Variants in NCOA6 observed in about 807,000 individuals in gnomAD.
NCOA6 encodes nuclear receptor coactivator 6, also known as NRC RAP250.
In NCOA6, 49 loss-of-function variants were observed where a neutral mutation model predicts 171.4. That is an observed-to-expected ratio of 0.29 (90% CI 0.23 to 0.36). The LOEUF (loss-of-function observed/expected upper bound fraction) is 0.36. Among genes scored for constraint, NCOA6 ranks in the 10% least tolerant of loss-of-function variants. The probability of loss-of-function intolerance (pLI) is 1.00; values close to 1 mark genes in which losing one functional copy is unlikely to be tolerated. For missense variants in NCOA6, 2,248 were observed against 2,554.5 expected (o/e 0.88, Z 2.59); for synonymous variants, 910 against 927.5 (o/e 0.98, Z 0.34).
intron 1 of NCOA6, chr20:34,819,956 C>T (rs530616363): frequency 6.6e-6 from 1 of 152,156 alleles, no homozygotes; most frequent in African/African-American, 2.4e-5. Flanking sequence ...AAAGCAAGCC[C>T]CATTCAATAA....
At chr20:34,721,281 C>T (rs1005685727) in intron 14 of NCOA6, among the ~76,000 whole-genome samples, 33 of 145,212 alleles carry the variant, frequency 2.3e-4, no homozygotes, top group Non-Finnish European at 4.6e-4. Context: ...CCCGCAAAAC[C>T]CACAAAAGGA....
At chr20:34,774,982 G>A (rs925071151) in intron 4 of NCOA6, among the ~76,000 whole-genome samples, 3 of 152,214 alleles carry the variant, frequency 2.0e-5, no homozygotes, top group Admixed American at 1.3e-4. Context: ...TGCCAAAGGA[G>A]TTCAGAAAAT....
At chr20:34,798,588 T>G (rs1483704929) in intron 1 of NCOA6, among the ~76,000 whole-genome samples, 1 of 152,216 alleles carries the variant, frequency 6.6e-6, no homozygotes, top group Non-Finnish European at 1.5e-5. Context: ...GGGGTGCTTG[T>G]GTAACCTCTC....
At chr20:34,796,675 T>C (rs1269550811) in intron 1 of NCOA6, among the ~76,000 whole-genome samples, 1 of 152,010 alleles carries the variant, frequency 6.6e-6, no homozygotes, top group Admixed American at 6.6e-5. Flanking sequence ...AAAAATTGAC[T>C]GGGTTTTGTA....
At chr20:34,738,675 C>T (rs954641383) in intron 11 of NCOA6, among the ~76,000 whole-genome samples, 5 of 152,232 alleles carry the variant, frequency 3.3e-5, no homozygotes, top group Non-Finnish European at 5.9e-5. Flanking sequence ...CAGAGCTCTG[C>T]GTGAGGCAGT....
chr20:34,758,870 G>C lies in NCOA6; in HGVS notation c.578C>G (p.Ser193Cys). 4 of 1,613,680 alleles carry C rather than the reference G, an allele frequency of 2.5e-6. No homozygotes were observed. Among genetic ancestry groups the C allele is most frequent in the Non-Finnish European group, 3.4e-6 (4 of 1,179,882 alleles). The change falls in exon 6 of 15, where the codon TCC becomes TGC. Residue 193 changes from serine (S) to cysteine (C), a missense_variant. By Grantham distance (112) the Ser-to-Cys change is moderately radical (BLOSUM62 -1). This residue lies in a region of NCOA6 where 987 missense variants were observed against 1,104.7 expected (regional missense o/e 0.89). Transcript: ENST00000359003. ...MIPPGGNVSSSMMAPGPNPEL... is the reference protein window; with the variant it reads ...MIPPGGNVSSCMMAPGPNPEL... The stretch of plus-strand genomic sequence containing the variant: ...TGGATTGGGGCCTGGTGCCATCATG[G>C]AAGATGACACATTTCCACCCGGGGG...
intron 12 of NCOA6, among the ~76,000 whole-genome samples, chr20:34,735,480 CA>C (rs2075923651): frequency 6.6e-6 from 1 of 151,884 alleles, no homozygotes; most frequent in Non-Finnish European, 1.5e-5. Flanking sequence ...CCTGTCTCTA[CA>C]AAATATACAA....
Position 34,742,635 on chromosome 20 carries a change from A to G in NCOA6, c.3621T>C (p.Ser1207=). The G allele has an allele frequency of 6.2e-7, 1 of 1,614,064 alleles. No individual in the cohort carries two copies. Among genetic ancestry groups the G allele is most frequent in the Non-Finnish European group, 8.5e-7 (1 of 1,180,010 alleles). The change falls in exon 11 of 15, where the codon TCT becomes TCC. Residue 1207 remains serine (S), a synonymous_variant. Coordinates refer to ENST00000359003, the MANE Select transcript of NCOA6 (RefSeq NM_014071.5). ...TGGCTCTGTTTGGTGTTTTGGGCCT[A>G]GATGTCTGGGTTGGCGCAGCCACAT... is the stretch of plus-strand genomic sequence containing the variant. The part of the protein sequence containing the change: ...FPNVAAPTQT[S]RPKTPNRASP...
At chr20:34,806,505 CTA>C (rs1429722486) in intron 1 of NCOA6, among the ~76,000 whole-genome samples, 1 of 152,122 alleles carries the variant, frequency 6.6e-6, no homozygotes, top group African/African-American at 2.4e-5. Flanking sequence ...AGTGTTTCCT[CTA>C]TGTTTTCTTT....
rs767098144 is a variant in NCOA6 at position 34,773,649 on chromosome 20, G to A, written c.391+2644C>T. ...AGCAATTCTCCTGCCTTAGCCTCCC[G>A]AGTAGCTGGGACTATAGGCACGCCC... On this transcript the variant is annotated intron_variant, in intron 4 of 14. Transcript: ENST00000359003. Among the ~76,000 whole-genome samples the A allele has an allele frequency of 9.3e-4, 142 of 152,222 alleles. 1 individual carries two copies. Among genetic ancestry groups the A allele is most frequent in the Non-Finnish European group, 9.9e-4 (67 of 68,018 alleles).
chr20:34,786,250 A>G (rs1424116867), intron 2 of NCOA6, among the ~76,000 whole-genome samples: 4 of 152,154 alleles, frequency 2.6e-5, no homozygotes, highest in Admixed American at 2.6e-4. Flanking sequence ...TAGACCTGCT[A>G]GCGATCTATT....
At chr20:34,821,640 T>G (rs2079011024) in intron 1 of NCOA6, 1 of 150,916 alleles carries the variant, frequency 6.6e-6, no homozygotes, top group Non-Finnish European at 1.5e-5. Flanking sequence ...TGGGCTGGAG[T>G]GCAGTGGTGC....
At chr20:34,732,670 C>A in intron 12 of NCOA6, 75 bp from the exon 13 acceptor site, 1 of 1,296,912 alleles carries the variant, frequency 7.7e-7, no homozygotes, top group Non-Finnish European at 1.1e-6. Flanking sequence ...TACAAGAATT[C>A]TCTATGCCCT....
intron 1 of NCOA6, chr20:34,809,567 GAAGAA>G (rs1195282398): frequency 2.5e-6 from 1 of 398,184 alleles, no homozygotes; most frequent in Non-Finnish European, 4.4e-6. Flanking sequence ...AGAAACATCA[GAAGAA>G]AAGACTACAT....
At chr20:34,733,925 T>G (rs2075866383) in intron 12 of NCOA6, among the ~76,000 whole-genome samples, 1 of 150,252 alleles carries the variant, frequency 6.7e-6, no homozygotes, top group African/African-American at 2.4e-5. Context: ...CCTGTATTTG[T>G]ACCCACAAAG....
chr20:34,784,272 T>C (rs1362957628), intron 2 of NCOA6, among the ~76,000 whole-genome samples: 1 of 152,014 alleles, frequency 6.6e-6, no homozygotes, highest in Non-Finnish European at 1.5e-5. Context: ...TCTCTGTTGC[T>C]GGAATGTAGT....
In NCOA6 at chr20:34,757,741, C is replaced by T; in HGVS notation, c.1007G>A (p.Gly336Asp). ...LQPPPAQGSL[G>D]TMTANQGWKK... The stretch of plus-strand genomic sequence containing the variant: ...CCACCCTTGGTTTGCAGTCATTGTG[C>T]CCAGAGAACCCTGGGCTGGAGGAGG... Residue 336 changes from glycine (G) to aspartate (D), a missense_variant, in exon 7 of 15, where the codon GGC (glycine) becomes GAC (aspartate). Gly to Asp is a moderately conservative substitution (Grantham distance 94). Transcript: ENST00000359003. The T allele has an allele frequency of 1.2e-6, 2 of 1,614,084 alleles. No individual in the cohort carries two copies. The highest frequency in any genetic ancestry group is 1.1e-5 in the South Asian group (1 of 91,086).
At chr20:34,722,749 G>A (rs1282005763) in intron 14 of NCOA6, among the ~76,000 whole-genome samples, 1 of 151,624 alleles carries the variant, frequency 6.6e-6, no homozygotes, top group African/African-American at 2.4e-5. Context: ...ACTTTGGGAG[G>A]CCGAGGCAAG....
At chr20:34,717,291 A>G (rs1988722829) in intron 14 of NCOA6, among the ~76,000 whole-genome samples, 1 of 152,158 alleles carries the variant, frequency 6.6e-6, no homozygotes, top group African/African-American at 2.4e-5. Context: ...TCTCTACTAA[A>G]TAAAGAAAAT....
Sources: allele counts gnomAD v4.1 joint callset (sites outside exome capture counted in the v4.1 genomes callset), GRCh38; gene constraint gnomAD v4.1.1; regional missense constraint gnomAD v4.1.1; transcripts MANE v1.5; gene names NCBI Gene and HGNC (gene_info 2026-07-23, HGNC 2026-07-21).